Variants in STXBP3 observed in about 807,000 individuals in gnomAD.
STXBP3 encodes syntaxin-binding protein 3.
Under a neutral mutation model 85.7 loss-of-function variants are expected in STXBP3, and 41 were observed. That is an observed-to-expected ratio of 0.48 (90% confidence interval 0.37 to 0.62). The LOEUF is 0.62. Ranked by LOEUF, STXBP3 falls within the 20% of genes least tolerant of loss-of-function variation. The pLI is 0.00. For missense variants in STXBP3, 563 were observed against 703.1 expected (o/e 0.80, Z 2.25); for synonymous variants, 229 against 231.7 (o/e 0.99, Z 0.10).
rs1662036076 is a variant in STXBP3, at chr1:108,757,019, G to C, written c.258+253G>C. The C allele has an allele frequency of 1.6e-5, 4 of 254,554 alleles. No individual in the cohort carries two copies. The South Asian group carries it at 3.3e-4, about 21-fold the overall frequency. 15.8% of individuals were successfully genotyped at this position (254,554 alleles called of 1,614,324 possible). A position where few individuals can be genotyped will look rare whatever the true frequency, so the allele number is the denominator to read the frequency against. On this transcript the variant is annotated intron_variant, in intron 4 of 18. Coordinates refer to ENST00000370008, the MANE Select transcript of STXBP3 (RefSeq NM_007269.4). ...AAATTGTATAAAATAACATTTCTTT[G>C]CATGTTTTGTTTTTCATGCAGTTCC...
chr1:108,787,365 T>G (rs982618139), intron 11 of STXBP3, among the ~76,000 whole-genome samples: 2 of 152,156 alleles, frequency 1.3e-5, no homozygotes, highest in Non-Finnish European at 2.9e-5. Context: ...AAGGAGAGAA[T>G]ACAGTCATGG....
At position 108,747,481 on chromosome 1, in the gene STXBP3, T is replaced by C. The variant is rs181308664; in HGVS notation, c.49+695T>C. Among the ~76,000 whole-genome samples the C allele has an allele frequency of 1.5e-3, 229 of 152,282 alleles. 2 individuals carry two copies. Among genetic ancestry groups the C allele is most frequent in the Non-Finnish European group, 2.3e-3 (159 of 68,016 alleles). On this transcript the variant is annotated intron_variant, in intron 1 of 18. Coordinates refer to ENST00000370008, the MANE Select transcript of STXBP3 (RefSeq NM_007269.4). Reference sequence around the variant, plus strand: ...CTGTTAGGACCGGACTCCTTATTGGTTACTGATGTTCTGCGGTATCATCCA... The same window carrying C: ...CTGTTAGGACCGGACTCCTTATTGGCTACTGATGTTCTGCGGTATCATCCA...
rs115290537 is a variant in STXBP3, at chr1:108,757,733, C to T, written c.259-777C>T. On this transcript the variant is annotated intron_variant, in intron 4 of 18. Transcript: ENST00000370008. ...ATAGTTTGTAATTTGTTATCAAGAA[C>T]CTTAAAAAATGTTTTATATTTTAGA... is the stretch of plus-strand genomic sequence containing the variant. 6.9e-3 allele frequency among the ~76,000 whole-genome samples: 1,046 copies of T among 151,690 alleles called. 13 individuals carry two copies. The highest frequency in any genetic ancestry group is 0.024 in the African/African-American group (998 of 41,388).
At chr1:108,771,265 G>A (rs1399508747) in intron 6 of STXBP3, among the ~76,000 whole-genome samples, 1 of 148,542 alleles carries the variant, frequency 6.7e-6, no homozygotes, top group East Asian at 1.9e-4. Context: ...GAGAAAATGA[G>A]ATTTGATTAA....
chr1:108,756,955 A>G (rs1002158729), intron 4 of STXBP3, 189 bp downstream of exon 4: 1 of 378,530 alleles, frequency 2.6e-6, no homozygotes, highest in Non-Finnish European at 4.8e-6. Context: ...ATGTATAAGT[A>G]AAAGGATTCC....
At chr1:108,803,766 G>A (rs753900594) in intron 17 of STXBP3, among the ~76,000 whole-genome samples, 1 of 152,176 alleles carries the variant, frequency 6.6e-6, no homozygotes, top group Non-Finnish European at 1.5e-5. Context: ...GATTACAGGT[G>A]TGCGCCACTA....
intron 11 of STXBP3, among the ~76,000 whole-genome samples, chr1:108,792,095 T>C (rs1662985408): frequency 6.6e-6 from 1 of 152,224 alleles, no homozygotes; most frequent in South Asian, 2.1e-4. Flanking sequence ...ACTAAAAATA[T>C]TCACCTTCTT....
At chr1:108,807,300 A>C in intron 17 of STXBP3, 101 bp from the exon 18 acceptor site, 1 of 1,182,220 alleles carries the variant, frequency 8.5e-7, no homozygotes, top group Non-Finnish European at 1.2e-6. Flanking sequence ...ATTGGTAGCA[A>C]GTTTGAGTTT....
At chr1:108,758,401 G>C (rs950199576) in intron 4 of STXBP3, 109 bp from the exon 5 acceptor site, 2 of 526,104 alleles carry the variant, frequency 3.8e-6, no homozygotes, top group African/African-American at 2.0e-5. Context: ...CTTTTAGCCA[G>C]TAAAGTTTTA....
At chr1:108,766,206 A>G (rs1662261324) in intron 6 of STXBP3, among the ~76,000 whole-genome samples, 1 of 151,698 alleles carries the variant, frequency 6.6e-6, no homozygotes, top group Non-Finnish European at 1.5e-5. Context: ...TGTACACACC[A>G]CAGAAAAATT....
intron 17 of STXBP3, among the ~76,000 whole-genome samples, chr1:108,801,019 C>T (rs1390008588): frequency 6.6e-6 from 1 of 152,084 alleles, no homozygotes; most frequent in Non-Finnish European, 1.5e-5. Flanking sequence ...TCTGAAACTC[C>T]TGTTACACAT....
At chr1:108,796,828 ACT>A (rs1663114421) in intron 15 of STXBP3, 102 bp downstream of exon 15, 4 of 714,158 alleles carry the variant, frequency 5.6e-6, no homozygotes, top group Non-Finnish European at 8.2e-6. Flanking sequence ...TCTTAAGTTC[ACT>A]CTATAGATTT....
intron 17 of STXBP3, among the ~76,000 whole-genome samples, chr1:108,805,177 T>G (rs1382718280): frequency 3.9e-5 from 6 of 152,216 alleles, no homozygotes; most frequent in African/African-American, 1.4e-4. Context: ...AGAATTGTTT[T>G]GAGCAGTGTT....
chr1:108,782,557 G>C (rs1662738444), intron 10 of STXBP3, 40 bp downstream of exon 10: 1 of 1,604,382 alleles, frequency 6.2e-7, no homozygotes. Flanking sequence ...ATAATTTTTA[G>C]ACACTATGTG....
rs201621538 is a variant in STXBP3, at chr1:108,766,227, CT to C, written c.438+6143del. On this transcript the variant is annotated intron_variant, in intron 6 of 18. Transcript: ENST00000370008. ...CACCACAGAAAAATTGCCCCCGCCC[CT>C]GAAAAAAAAAAGGTCATGCAAGAAA... Among the ~76,000 whole-genome samples the C allele has an allele frequency of 7.5e-3, 1,125 of 149,580 alleles. 13 individuals carry two copies. The highest frequency in any genetic ancestry group is 0.026 in the African/African-American group (1,075 of 40,738).
intron 6 of STXBP3, among the ~76,000 whole-genome samples, chr1:108,771,448 ATATC>A (rs1407176863): frequency 1.9e-5 from 2 of 105,784 alleles, no homozygotes; most frequent in Non-Finnish European, 1.9e-5. Flanking sequence ...ATATCTATAT[ATATC>A]ATATATAAAT....
chr1:108,753,486 C>T (rs777906815), intron 3 of STXBP3, among the ~76,000 whole-genome samples: 5 of 151,842 alleles, frequency 3.3e-5, no homozygotes, highest in African/African-American at 4.8e-5. Context: ...TTTCATATAT[C>T]GCTTTAAAAT....
intron 6 of STXBP3, among the ~76,000 whole-genome samples, chr1:108,766,148 C>G (rs1420016361): frequency 6.6e-6 from 1 of 151,706 alleles, no homozygotes; most frequent in African/African-American, 2.4e-5. Flanking sequence ...GCCACCGTGC[C>G]TAGCTGATTT....
intron 6 of STXBP3, among the ~76,000 whole-genome samples, chr1:108,762,472 T>C (rs1358610510): frequency 6.6e-6 from 1 of 151,904 alleles, no homozygotes; most frequent in Non-Finnish European, 1.5e-5. Flanking sequence ...TTGTAAATTT[T>C]TTTTTTTTAC....
Sources: gnomAD v4.1 joint callset for allele counts (sites outside exome capture counted in the v4.1 genomes callset) on GRCh38, gnomAD v4.1.1 for gene constraint, MANE v1.5 for transcripts, NCBI Gene and HGNC (gene_info 2026-07-23, HGNC 2026-07-21) for gene names.